Variants in GABRG3 observed in about 807,000 individuals in gnomAD.
The protein encoded by GABRG3 is gamma-aminobutyric acid receptor subunit gamma-3.
Under a neutral mutation model 48.8 loss-of-function variants are expected in GABRG3, and 25 were observed. The observed-to-expected ratio is 0.51, with a 90% CI of 0.37 to 0.72. The LOEUF (loss-of-function observed/expected upper bound fraction) is 0.72. Ranked by LOEUF, GABRG3 falls within the 30% of genes least tolerant of loss-of-function variation. GABRG3 has a pLI of 0.00. For synonymous variants in GABRG3, 227 were observed against 217.6 expected (o/e 1.04, Z -0.38); for missense variants, 394 against 577.9 (o/e 0.68, Z 3.26).
At chr15:27,153,151 G>A (rs1898352925) in intron 3 of GABRG3, among the ~76,000 whole-genome samples, 1 of 152,200 alleles carries the variant, frequency 6.6e-6, no homozygotes, top group Non-Finnish European at 1.5e-5. Flanking sequence ...GTGAGCCACG[G>A]CGCCTGGCCT....
intron 3 of GABRG3, among the ~76,000 whole-genome samples, chr15:27,288,418 C>G (rs954855693): frequency 6.6e-6 from 1 of 151,964 alleles, no homozygotes; most frequent in East Asian, 1.9e-4. Context: ...ATGGTCCCAT[C>G]TGGAGGTGAT....
rs769221747 is a variant in GABRG3, at chr15:27,326,791, CCTT to C, written c.271-15_271-13del. 13 of 1,582,526 alleles carry C rather than the reference CCTT, an allele frequency of 8.2e-6. No individual in the cohort carries two copies. Among genetic ancestry groups the C allele is most frequent in the Middle Eastern group, 1.7e-4 (1 of 6,002 alleles). On this transcript the variant is annotated splice_polypyrimidine_tract_variant and intron_variant, in intron 3 of 9. Coordinates refer to ENST00000615808, the MANE Select transcript of GABRG3 (RefSeq NM_033223.5). ...TTATTAATAGAACTGTCTTGCCTCT[CCTT>C]CTGCTCTGTTTCAGGAATACCAAAT...
At chr15:27,220,444 C>G (rs184160856) in intron 3 of GABRG3, among the ~76,000 whole-genome samples, 23 of 152,174 alleles carry the variant, frequency 1.5e-4, no homozygotes, top group African/African-American at 5.5e-4. Flanking sequence ...CCACAGTATG[C>G]GGGGCCAGAT....
rs1419565356 is a variant in GABRG3, at chr15:27,145,653, CTATCTATCTATT to C, written c.270+118833_270+118844del. On this transcript the variant is annotated intron_variant, in intron 3 of 9. Transcript: ENST00000615808. ...TCTATCTATCTATCTATCTATCTAT[CTATCTATCTATT>C]GTGCCAGAAGGAGAGGTGAGAAAGA... Among the ~76,000 whole-genome samples the C allele has an allele frequency of 8.3e-3, 1,242 of 150,508 alleles. 19 individuals carry two copies. The highest frequency in any genetic ancestry group is 0.027 in the African/African-American group (1,107 of 40,498).
At chr15:27,245,203 G>A (rs1006523415) in intron 3 of GABRG3, among the ~76,000 whole-genome samples, 9 of 152,158 alleles carry the variant, frequency 5.9e-5, no homozygotes, top group Non-Finnish European at 8.8e-5. Flanking sequence ...GGAAGGTGAC[G>A]ATTCTGGGCA....
chr15:27,530,154 T>A (rs552982065), intron 9 of GABRG3, among the ~76,000 whole-genome samples: 1 of 152,286 alleles, frequency 6.6e-6, no homozygotes, highest in African/African-American at 2.4e-5. Flanking sequence ...CCAGACTCCG[T>A]GAACTGTCAC....
intron 3 of GABRG3, among the ~76,000 whole-genome samples, chr15:27,321,290 C>T (rs898920833): frequency 6.6e-6 from 1 of 152,168 alleles, no homozygotes; most frequent in East Asian, 1.9e-4. Flanking sequence ...CCGCAAAGGA[C>T]TCTTAATAAG....
chr15:27,020,653 G>A (rs1185716490), intron 2 of GABRG3, among the ~76,000 whole-genome samples: 1 of 151,924 alleles, frequency 6.6e-6, no homozygotes, highest in African/African-American at 2.4e-5. Flanking sequence ...TCCCGACCTC[G>A]TGATCCGCCC....
chr15:27,214,043 G>T (rs1346318141), intron 3 of GABRG3, among the ~76,000 whole-genome samples: 1 of 152,190 alleles, frequency 6.6e-6, no homozygotes, highest in Admixed American at 6.5e-5. Context: ...ACAGACTTTG[G>T]CTTCGCTAAG....
At chr15:27,090,134 C>T (rs545640373) in intron 3 of GABRG3, among the ~76,000 whole-genome samples, 10 of 152,168 alleles carry the variant, frequency 6.6e-5, no homozygotes, top group Middle Eastern at 3.2e-3. Flanking sequence ...AGAAACCATA[C>T]TTTTGAGTAC....
chr15:27,461,626 G>A (rs924085723), intron 5 of GABRG3, among the ~76,000 whole-genome samples: 3 of 152,176 alleles, frequency 2.0e-5, no homozygotes, highest in East Asian at 1.9e-4. Flanking sequence ...ATATCCTGCC[G>A]GTTGGTCCAT....
chr15:27,436,038 G>A (rs1024840960), intron 5 of GABRG3, among the ~76,000 whole-genome samples: 3 of 152,148 alleles, frequency 2.0e-5, no homozygotes, highest in African/African-American at 4.8e-5. Context: ...ATAGATATGG[G>A]GATTAGTCCT....
chr15:27,494,365 A>G (rs552991038), intron 6 of GABRG3, among the ~76,000 whole-genome samples: 173 of 152,262 alleles, frequency 1.1e-3, no homozygotes, highest in African/African-American at 3.9e-3. Context: ...CATAAAATGA[A>G]GAGAGAAGTG....
intron 3 of GABRG3, among the ~76,000 whole-genome samples, chr15:27,056,297 G>A (rs1896544008): frequency 6.8e-6 from 1 of 146,212 alleles, no homozygotes; most frequent in South Asian, 2.2e-4. Context: ...AGGCCGCAGT[G>A]AGCTGTGATT....
Position 27,026,799 on chromosome 15 carries a change from G to A in GABRG3, c.248G>A (p.Gly83Asp). 6.2e-7 allele frequency: 1 copy of A among 1,609,686 alleles called. No individual in the cohort carries two copies. Among genetic ancestry groups the A allele is most frequent in the South Asian group, 1.1e-5 (1 of 89,858 alleles). The stretch of plus-strand genomic sequence containing the variant: ...GTTGACATTTATGTTAACAGCATTG[G>A]TCCTGTGTCATCAATAAACATGGTA... Reference protein sequence around the residue: ...IDVDIYVNSIGPVSSINMEYQ... With the variant: ...IDVDIYVNSIDPVSSINMEYQ... The change falls in exon 3 of 10, where the codon GGT becomes GAT. Residue 83 changes from glycine to aspartate, a missense_variant. Transcript: ENST00000615808.
intron 3 of GABRG3, among the ~76,000 whole-genome samples, chr15:27,298,728 G>A (rs1208949134): frequency 6.6e-6 from 1 of 151,464 alleles, no homozygotes; most frequent in Non-Finnish European, 1.5e-5. Flanking sequence ...GGGTACATCT[G>A]CAGAATGTGC....
intron 2 of GABRG3, among the ~76,000 whole-genome samples, chr15:27,015,383 A>ATT (rs36045792): frequency 2.7e-4 from 30 of 110,280 alleles, no homozygotes; most frequent in East Asian, 5.1e-4. Context: ...TTTGTGTTTG[A>ATT]TTTTTTTTTT....
chr15:27,523,612 T>C (rs1184887627), intron 7 of GABRG3, among the ~76,000 whole-genome samples: 1 of 151,858 alleles, frequency 6.6e-6, no homozygotes, highest in Non-Finnish European at 1.5e-5. Context: ...AATGAGCGAA[T>C]GCACACATGC....
intron 3 of GABRG3, among the ~76,000 whole-genome samples, chr15:27,258,532 C>T (rs1890686804): frequency 6.6e-6 from 1 of 152,154 alleles, no homozygotes; most frequent in Non-Finnish European, 1.5e-5. Flanking sequence ...ACACTGCCAG[C>T]CTGATGCTTC....
Sources: gnomAD v4.1 joint callset for allele counts (sites outside exome capture counted in the v4.1 genomes callset) on GRCh38, gnomAD v4.1.1 for gene constraint, MANE v1.5 for transcripts, NCBI Gene and HGNC (gene_info 2026-07-23, HGNC 2026-07-21) for gene names.